Variants in PWWP2B observed in about 807,000 individuals in gnomAD.
PWWP2B encodes PWWP domain-containing protein 2B.
PWWP2B carries 9 observed loss-of-function variants against 15.5 expected under a neutral mutation model. The ratio of observed to expected loss-of-function variants is 0.58; its 90% CI spans 0.35 to 1.02. The LOEUF (loss-of-function observed/expected upper bound fraction) is 1.02, where lower values mean the gene tolerates loss of function less well. Ranked by LOEUF, PWWP2B falls within the 50% of genes least tolerant of loss-of-function variation. The pLI, the probability that PWWP2B is intolerant of heterozygous loss-of-function variation, is 0.02. For missense variants in PWWP2B, 864 were observed against 865.3 expected, an observed-to-expected ratio of 1.00 and a Z score of 0.02; for synonymous variants, 474 against 403.6, an observed-to-expected ratio of 1.17 and a Z score of -2.09.
At position 132,416,730 on chromosome 10, in the gene PWWP2B, G is replaced by A. The variant is rs564802948; in HGVS notation, c.*17-331G>A. 1.1e-3 allele frequency among the ~76,000 whole-genome samples: 169 copies of A among 152,238 alleles called. 1 individual carries two copies. The highest frequency in any genetic ancestry group is 3.8e-3 in the African/African-American group (159 of 41,538). On this transcript the variant is annotated intron_variant, in intron 2 of 2. Coordinates refer to ENST00000305233, the MANE Select transcript of PWWP2B (RefSeq NM_138499.4). ...GGGGGTCCTTCCACACCATGAGCCCGGCACAGGCATGGTCGTCAGCCCCCA... is the reference window on the plus strand; with the variant it reads ...GGGGGTCCTTCCACACCATGAGCCCAGCACAGGCATGGTCGTCAGCCCCCA...
At chr10:132,403,489 GCT>G (rs989445009) in intron 1 of PWWP2B, among the ~76,000 whole-genome samples, 1 of 152,188 alleles carries the variant, frequency 6.6e-6, no homozygotes, top group Non-Finnish European at 1.5e-5. Context: ...TTCCTGACGC[GCT>G]CACAGCAGCT....
At chr10:132,410,663 G>A (rs374121387) in intron 2 of PWWP2B, among the ~76,000 whole-genome samples, 2 of 152,076 alleles carry the variant, frequency 1.3e-5, no homozygotes, top group African/African-American at 4.8e-5. Flanking sequence ...GAGGGCCAAC[G>A]GGGCACCTGG....
At position 132,409,289 on chromosome 10, in the gene PWWP2B, A is replaced by C. The variant is rs115886914; in HGVS notation, c.*16+3000A>C. Among the ~76,000 whole-genome samples, 1,160 of 152,314 alleles carry C rather than the reference A, an allele frequency of 7.6e-3. 16 individuals carry two copies. Among genetic ancestry groups the C allele is most frequent in the African/African-American group, 0.027 (1,108 of 41,574 alleles). On this transcript the variant is annotated intron_variant, in intron 2 of 2. Coordinates refer to ENST00000305233, the MANE Select transcript of PWWP2B (RefSeq NM_138499.4). The stretch of plus-strand genomic sequence containing the variant: ...TCCCTGGGACTTCTCCTACACCCAC[A>C]GGGACCCCATGGGATTAGAGCTGAG...
rs776724527 is a variant in PWWP2B at position 132,405,238 on chromosome 10, G to T, written c.738G>T (p.Gln246His). The T allele has an allele frequency of 7.5e-6, 12 of 1,606,694 alleles. No individual in the cohort carries two copies. Among genetic ancestry groups the T allele is most frequent in the African/African-American group, 1.3e-5 (1 of 74,810 alleles). Reference protein sequence around the residue: ...RREEDRAPAEQVPRSPVIKIS... With the variant: ...RREEDRAPAEHVPRSPVIKIS... ...AGGAGGACAGGGCCCCGGCAGAGCA[G>T]GTCCCGCGGAGCCCGGTCATCAAGA... Residue 246 changes from glutamine (Q) to histidine (H), a missense_variant, in exon 2 of 3, where the codon CAG (glutamine) becomes CAT (histidine). This residue lies in a region of PWWP2B where 736 missense variants were observed against 687.7 expected (regional missense o/e 1.07). Coordinates refer to ENST00000305233, the MANE Select transcript of PWWP2B (RefSeq NM_138499.4).
intron 1 of PWWP2B, 71 bp from the exon 2 acceptor site, chr10:132,404,555 C>G (rs763338479): frequency 2.2e-5 from 30 of 1,378,806 alleles, no homozygotes; most frequent in Non-Finnish European, 2.7e-5. Flanking sequence ...GGCCTTGGCT[C>G]TGGGGGCTGG....
chr10:132,397,234 C>T lies in PWWP2B; in HGVS notation c.8C>T (p.Pro3Leu). ME[P>L]RAGCRLPVRV... ...CTGGGACGCGGCGGGAGCATGGAGC[C>T]GCGCGCCGGCTGCCGGCTGCCGGTG... Residue 3 changes from proline (P) to leucine (L), a missense_variant, in exon 1 of 3, where the codon CCG (proline) becomes CTG (leucine). Pro to Leu is a moderately conservative substitution (Grantham distance 98). Coordinates refer to ENST00000305233, the MANE Select transcript of PWWP2B (RefSeq NM_138499.4). The T allele has an allele frequency of 8.3e-7, 1 of 1,208,054 alleles. No individual in the cohort carries two copies. Among genetic ancestry groups the T allele is most frequent in the Non-Finnish European group, 1.0e-6 (1 of 964,620 alleles). The allele number at this position is 1,208,054 out of a possible 1,614,324, so 74.8% of individuals were successfully genotyped here. A position where few individuals can be genotyped will look rare whatever the true frequency, so the allele number is the denominator to read the frequency against.
In PWWP2B at chr10:132,405,808, G is replaced by A. The variant is rs200826415; in HGVS notation, c.1308G>A (p.Ser436=). The A allele has an allele frequency of 4.6e-5, 74 of 1,608,034 alleles. No individual in the cohort carries two copies. In the Middle Eastern group the frequency reaches 4.9e-4, roughly 11 times the overall value. The change falls in exon 2 of 3, where the codon TCG becomes TCA. Residue 436 remains serine (S), a synonymous_variant. Coordinates refer to ENST00000305233, the MANE Select transcript of PWWP2B (RefSeq NM_138499.4). ...DSLDEARSSG[S]EGTPADTGDL... ...TGGACGAGGCCAGATCGTCCGGCTC[G>A]GAAGGGACGCCGGCAGACACGGGTG...
Position 132,405,575 on chromosome 10 carries a change from G to T in PWWP2B, c.1075G>T (p.Gly359Trp). ...GGCCGAGCTGGTGGGGGAGCTGAAC[G>T]GGTACCTGCGGGACAGCTCGCCGGC... is the stretch of plus-strand genomic sequence containing the variant. ...YRAELVGELN[G>W]YLRDSSPAPC... The change falls in exon 2 of 3, where the codon GGG becomes TGG. Residue 359 changes from glycine to tryptophan, a missense_variant. By Grantham distance (184) the Gly-to-Trp change is radical. Around this residue, in one of 2 missense-constraint regions of PWWP2B, gnomAD observed 736 missense variants for 687.7 expected, o/e 1.07. Transcript: ENST00000305233. 2 of 1,608,276 alleles carry T rather than the reference G, an allele frequency of 1.2e-6. No homozygotes were observed. The highest frequency in any genetic ancestry group is 8.5e-7 in the Non-Finnish European group (1 of 1,179,302).
chr10:132,409,320 GGGCGGGGGCA>G (rs2069746482), intron 2 of PWWP2B, among the ~76,000 whole-genome samples: 1 of 152,220 alleles, frequency 6.6e-6, no homozygotes, highest in South Asian at 2.1e-4. Flanking sequence ...CTGAGGTCCG[GGGCGGGGGCA>G]GGTGGTGGAG....
rs566393214 is a variant in PWWP2B at position 132,398,686 on chromosome 10, A to C, written c.125+1335A>C. On this transcript the variant is annotated intron_variant, in intron 1 of 2. Coordinates refer to ENST00000305233, the MANE Select transcript of PWWP2B (RefSeq NM_138499.4). ...TGGCTAACCTGGTTTGCAAATCTAC[A>C]CCACCGCCTCCCCTTCATGGAAAAA... Among the ~76,000 whole-genome samples the C allele has an allele frequency of 2.2e-4, 34 of 152,164 alleles. 1 individual carries two copies. The East Asian group carries it at 5.8e-3, about 26-fold the overall frequency.
At chr10:132,407,867 G>A (rs1229611361) in intron 2 of PWWP2B, among the ~76,000 whole-genome samples, 1 of 152,198 alleles carries the variant, frequency 6.6e-6, no homozygotes, top group South Asian at 2.1e-4. Context: ...AGGAGGGTCA[G>A]AGGACTCCCG....
chr10:132,408,188 G>A (rs1296493607), intron 2 of PWWP2B, among the ~76,000 whole-genome samples: 1 of 152,252 alleles, frequency 6.6e-6, no homozygotes, highest in Non-Finnish European at 1.5e-5. Context: ...GCACCAAAGC[G>A]CAGAGTGGTG....
intron 1 of PWWP2B, among the ~76,000 whole-genome samples, chr10:132,404,086 T>TCCA (rs2069649494): frequency 1.6e-5 from 2 of 123,198 alleles, no homozygotes; most frequent in Admixed American, 1.8e-4. Flanking sequence ...GGCATTCTTC[T>TCCA]GGGCTCCTGC....
In PWWP2B at chr10:132,410,129, TGAG is replaced by T. The variant is rs1333664590; in HGVS notation, c.*16+3843_*16+3845del. ...AAATAAAAGCAGTGACCTCCAGCTG[TGAG>T]GACAGGGAGAGTGACGGGGGACGGG... is the stretch of plus-strand genomic sequence containing the variant. On this transcript the variant is annotated intron_variant, in intron 2 of 2. Coordinates refer to ENST00000305233, the MANE Select transcript of PWWP2B (RefSeq NM_138499.4). Among the ~76,000 whole-genome samples, 1,378 of 152,260 alleles carry T rather than the reference TGAG, an allele frequency of 9.1e-3. 23 individuals carry two copies. Among genetic ancestry groups the T allele is most frequent in the African/African-American group, 0.032 (1,313 of 41,546 alleles).
intron 1 of PWWP2B, among the ~76,000 whole-genome samples, chr10:132,397,582 G>T (rs1344682397): frequency 6.7e-6 from 1 of 150,052 alleles, no homozygotes; most frequent in South Asian, 2.1e-4. Context: ...GGGCCGGGGC[G>T]GGCCGGGGCG....
At position 132,404,776 on chromosome 10, in the gene PWWP2B, G is replaced by GC; in HGVS notation, c.282dup (p.Glu95ArgfsTer85). On this transcript the variant is annotated frameshift_variant, in exon 2 of 3. Coordinates refer to ENST00000305233, the MANE Select transcript of PWWP2B (RefSeq NM_138499.4). LOFTEE classifies it high-confidence loss of function. ...CCCCCCCTCCTGCCCGCGGGGTTCA[G>GC]CCCCCCGAGACCACCCGCCCCGAGC... 1.9e-6 allele frequency: 3 copies of GC among 1,556,936 alleles called. No individual in the cohort carries two copies. The highest frequency in any genetic ancestry group is 1.1e-5 in the South Asian group (1 of 88,092).
intron 2 of PWWP2B, among the ~76,000 whole-genome samples, chr10:132,407,474 C>T (rs1218251168): frequency 6.6e-6 from 1 of 152,186 alleles, no homozygotes; most frequent in South Asian, 2.1e-4. Context: ...GTCCTCGGGC[C>T]TTTGTTGGGG....
chr10:132,408,378 G>C (rs1230840533), intron 2 of PWWP2B, among the ~76,000 whole-genome samples: 4 of 152,220 alleles, frequency 2.6e-5, no homozygotes, highest in African/African-American at 4.8e-5. Flanking sequence ...CTTTGTAGGG[G>C]AAATGCGGGG....
Position 132,406,190 on chromosome 10 carries a change from C to A in PWWP2B, c.1690C>A (p.Arg564=). ...RFNRKKKGMY[R]KAITEAANAA... ...TAATCGTAAGAAGAAGGGGATGTATCGGAAAGCTATAACCGAGGCTGCAAA... is the reference window on the plus strand; with the variant it reads ...TAATCGTAAGAAGAAGGGGATGTATAGGAAAGCTATAACCGAGGCTGCAAA... Residue 564 remains arginine, a synonymous_variant, in exon 2 of 3, where the codon CGG becomes AGG. Transcript: ENST00000305233. The A allele has an allele frequency of 5.0e-6, 8 of 1,613,352 alleles. No homozygotes were observed. Among genetic ancestry groups the A allele is most frequent in the Non-Finnish European group, 6.8e-6 (8 of 1,180,016 alleles).
Sources: gnomAD v4.1 joint callset for allele counts (sites outside exome capture counted in the v4.1 genomes callset) on GRCh38, gnomAD v4.1.1 for gene constraint, gnomAD v4.1.1 regional missense constraint, MANE v1.5 for transcripts, NCBI Gene and HGNC (gene_info 2026-07-23, HGNC 2026-07-21) for gene names.